GPC5: variants seen among roughly 807,000 people sequenced by gnomAD.
GPC5 encodes glypican-5.
GPC5 carries 47 observed loss-of-function variants against 53.9 expected under a neutral mutation model. That is an observed-to-expected ratio of 0.87 (90% CI 0.69 to 1.11). GPC5 has a LOEUF of 1.11. Among genes scored for constraint, GPC5 ranks in the 50% most tolerant of loss-of-function variants. GPC5 has a pLI of 0.00. For missense variants in GPC5, 748 were observed against 713.1 expected (o/e 1.05, Z -0.56); for synonymous variants, 286 against 263.3 (o/e 1.09, Z -0.84).
intron 2 of GPC5, among the ~76,000 whole-genome samples, chr13:91,459,983 G>A (rs1239677034): frequency 6.6e-6 from 1 of 152,014 alleles, no homozygotes; most frequent in Non-Finnish European, 1.5e-5. Flanking sequence ...CTTTGAAGGG[G>A]GAATATGTAT....
intron 6 of GPC5, among the ~76,000 whole-genome samples, chr13:92,121,671 G>A (rs1381894166): frequency 3.3e-5 from 5 of 152,200 alleles, no homozygotes; most frequent in African/African-American, 9.6e-5. Flanking sequence ...TGTACTCAGA[G>A]TGGAGGGTCT....
At chr13:92,797,283 T>A (rs1374533818) in intron 7 of GPC5, among the ~76,000 whole-genome samples, 1 of 151,914 alleles carries the variant, frequency 6.6e-6, no homozygotes, top group African/African-American at 2.4e-5. Context: ...TCAACAAAAA[T>A]TACCACTTTC....
intron 3 of GPC5, chr13:91,724,953 T>G (rs983515593): frequency 6.6e-6 from 1 of 152,252 alleles, no homozygotes; most frequent in African/African-American, 2.4e-5. Flanking sequence ...TTACAAAGTT[T>G]TTTTGTAAAA....
At chr13:92,679,831 C>CGCGT (rs1887060941) in intron 7 of GPC5, among the ~76,000 whole-genome samples, 1 of 152,100 alleles carries the variant, frequency 6.6e-6, no homozygotes, top group Non-Finnish European at 1.5e-5. Flanking sequence ...CTCTCTCGCT[C>CGCGT]GCGTGCGTGC....
chr13:92,781,890 G>A (rs1008290577), intron 7 of GPC5, among the ~76,000 whole-genome samples: 12 of 152,190 alleles, frequency 7.9e-5, no homozygotes, highest in African/African-American at 2.7e-4. Flanking sequence ...TAGCAGCTGT[G>A]ACGCTGCAGA....
At chr13:91,941,122 T>C (rs1458922348) in intron 6 of GPC5, among the ~76,000 whole-genome samples, 1 of 152,118 alleles carries the variant, frequency 6.6e-6, no homozygotes, top group Non-Finnish European at 1.5e-5. Flanking sequence ...TTTTTATGGC[T>C]TGTTTTTGTC....
At chr13:91,872,180 T>C (rs1265685541) in intron 5 of GPC5, among the ~76,000 whole-genome samples, 1 of 152,154 alleles carries the variant, frequency 6.6e-6, no homozygotes, top group East Asian at 1.9e-4. Flanking sequence ...CTCATATTAA[T>C]ACCTCAATTG....
At chr13:92,433,118 G>A (rs767001064) in intron 7 of GPC5, among the ~76,000 whole-genome samples, 1 of 152,098 alleles carries the variant, frequency 6.6e-6, no homozygotes, top group Non-Finnish European at 1.5e-5. Flanking sequence ...TTTGCTGATG[G>A]AAATGAACCA....
chr13:92,572,228 C>T (rs548880561), intron 7 of GPC5, among the ~76,000 whole-genome samples: 3 of 152,018 alleles, frequency 2.0e-5, no homozygotes, highest in Middle Eastern at 6.8e-3. Context: ...ATATCTGGTC[C>T]GAGTTGACTA....
intron 5 of GPC5, among the ~76,000 whole-genome samples, chr13:91,761,561 C>T (rs1226195655): frequency 6.6e-6 from 1 of 152,158 alleles, no homozygotes; most frequent in Non-Finnish European, 1.5e-5. Flanking sequence ...CTACAACCCC[C>T]TCTTTGGGTT....
intron 7 of GPC5, among the ~76,000 whole-genome samples, chr13:92,699,806 T>C (rs1424571399): frequency 1.3e-5 from 2 of 152,194 alleles, no homozygotes; most frequent in South Asian, 4.1e-4. Flanking sequence ...TTTGTTATGA[T>C]TTCCGTTCTT....
At chr13:92,698,533 A>T (rs1377203661) in intron 7 of GPC5, among the ~76,000 whole-genome samples, 1 of 152,172 alleles carries the variant, frequency 6.6e-6, no homozygotes, top group African/African-American at 2.4e-5. Context: ...TCCATGATGT[A>T]TATGTGCCAC....
intron 5 of GPC5, among the ~76,000 whole-genome samples, chr13:91,854,116 GA>G (rs5805719): frequency 0.33 from 48,943 of 149,422 alleles, 9,382 homozygotes; most frequent in East Asian, 0.64. Flanking sequence ...GAGCAAGTAG[GA>G]AAAAAAAAGA....
chr13:92,048,906 A>G (rs879884457), intron 6 of GPC5, among the ~76,000 whole-genome samples: 18 of 152,226 alleles, frequency 1.2e-4, no homozygotes, highest in Non-Finnish European at 7.3e-5. Flanking sequence ...ACAAGAAGAC[A>G]CAACAACTCA....
In GPC5 at chr13:91,763,633, G is replaced by C. The variant is rs556385013; in HGVS notation, c.1280+7213G>C. 7.9e-5 allele frequency among the ~76,000 whole-genome samples: 12 copies of C among 152,304 alleles called. 1 individual carries two copies. The highest frequency in any genetic ancestry group is 2.6e-4 in the African/African-American group (11 of 41,580). On this transcript the variant is annotated intron_variant, in intron 5 of 7. Transcript: ENST00000377067. ...TTAGACAAATCCAGGTATGGCTGAT[G>C]GTTTGAAATCAACAGAAAATAAATT...
intron 2 of GPC5, among the ~76,000 whole-genome samples, chr13:91,669,037 AT>A (rs1429158250): frequency 3.3e-5 from 5 of 152,202 alleles, no homozygotes; most frequent in Non-Finnish European, 7.3e-5. Flanking sequence ...AATAAAAAAA[AT>A]ATTGTGCAAT....
rs1882499837 is a variant in GPC5, at chr13:91,469,870, T to G, written c.325+20948T>G. Among the ~76,000 whole-genome samples, 9 of 152,188 alleles carry G rather than the reference T, an allele frequency of 5.9e-5. No individual in the cohort carries two copies. The South Asian group carries it at 1.9e-3, about 32-fold the overall frequency. ...GCCTGGCCAACATGATGAAACCACG[T>G]CTCTACTAAAAATACAAAAATTAGC... On this transcript the variant is annotated intron_variant, in intron 2 of 7. Transcript: ENST00000377067.
intron 6 of GPC5, among the ~76,000 whole-genome samples, chr13:91,947,684 T>G (rs1168478980): frequency 2.6e-5 from 4 of 152,242 alleles, no homozygotes; most frequent in Non-Finnish European, 2.9e-5. Flanking sequence ...CATTCAGTCT[T>G]TTGAAGAATT....
chr13:92,479,033 A>T (rs1206418739), intron 7 of GPC5, among the ~76,000 whole-genome samples: 2 of 152,168 alleles, frequency 1.3e-5, no homozygotes, highest in Non-Finnish European at 2.9e-5. Flanking sequence ...TCATTAGGCA[A>T]TATGTACCTC....
Sources: gnomAD v4.1 joint callset for allele counts (sites outside exome capture counted in the v4.1 genomes callset) on GRCh38, gnomAD v4.1.1 for gene constraint, MANE v1.5 for transcripts, NCBI Gene and HGNC (gene_info 2026-07-23, HGNC 2026-07-21) for gene names.